Variants in RSPO4 observed in about 807,000 individuals in gnomAD.
RSPO4 encodes R-spondin-4.
Under a neutral mutation model 24.8 loss-of-function variants are expected in RSPO4, and 23 were observed. The ratio of observed to expected loss-of-function variants is 0.93; its 90% CI spans 0.67 to 1.31. The LOEUF (loss-of-function observed/expected upper bound fraction) is 1.31, where lower values mean the gene tolerates loss of function less well. Among genes scored for constraint, RSPO4 ranks in the 40% most tolerant of loss-of-function variants. The pLI, the probability that RSPO4 is intolerant of heterozygous loss-of-function variation, is 0.00. For missense variants in RSPO4, 333 were observed against 316.5 expected (o/e 1.05, Z -0.39); for synonymous variants, 141 against 127.4 (o/e 1.11, Z -0.72).
chr20:982,045 C>A (rs368986959), intron 1 of RSPO4, among the ~76,000 whole-genome samples: 164 of 152,276 alleles, frequency 1.1e-3, no homozygotes, highest in African/African-American at 3.9e-3. Context: ...CCAGAGCAAC[C>A]ACTGGTGACC....
rs568984084 is a variant in RSPO4 at position 989,180 on chromosome 20, A to G, written c.79+12906T>C. 3.3e-5 allele frequency among the ~76,000 whole-genome samples: 5 copies of G among 152,158 alleles called. No individual in the cohort carries two copies. The South Asian group carries it at 1.0e-3, about 32-fold the overall frequency. On this transcript the variant is annotated intron_variant, in intron 1 of 4. Transcript: ENST00000217260. ...AGAGTCACCTATTCTCACAACCGTG[A>G]CATTCCACCCAGTCCAGGCTCCCAG...
In RSPO4 at chr20:968,132, G is replaced by C. The variant is rs761838651; in HGVS notation, c.86C>G (p.Thr29Ser). Reference sequence around the variant, plus strand: ...GCCTGTGCAGTTGCCCCCCAGGCCAGTGCCCACTGCCCACAAGACCAGGGC... The same window carrying C: ...GCCTGTGCAGTTGCCCCCCAGGCCACTGCCCACTGCCCACAAGACCAGGGC... Reference protein sequence around the residue: ...ALNRRKKQVGTGLGGNCTGCI... With the variant: ...ALNRRKKQVGSGLGGNCTGCI... The change falls in exon 2 of 5, where the codon ACT (threonine) becomes AGT (serine). Residue 29 changes from threonine (T) to serine (S), a missense_variant. By Grantham distance (58) the Thr-to-Ser change is moderately conservative. Transcript: ENST00000217260. The C allele has an allele frequency of 1.2e-6, 2 of 1,614,004 alleles. No homozygotes were observed. Among genetic ancestry groups the C allele is most frequent in the African/African-American group, 1.3e-5 (1 of 75,066 alleles).
In RSPO4 at chr20:964,032, C is replaced by G; in HGVS notation, c.498G>C (p.Arg166=). 2 of 1,613,756 alleles carry G rather than the reference C, an allele frequency of 1.2e-6. No individual in the cohort carries two copies. Among genetic ancestry groups the G allele is most frequent in the Non-Finnish European group, 1.7e-6 (2 of 1,180,024 alleles). Residue 166 remains arginine, a synonymous_variant, in exon 4 of 5, where the codon CGG becomes CGC. Transcript: ENST00000217260. ...GCCCAGCCCGGCCAGCCTCTCGTAC[C>G]CGGCTCTCCAGGCCCCAAGCCGAGC... ...TCGSAWGLES[R]VREAGRAGHE...
chr20:961,994 A>C (rs1027721068), intron 4 of RSPO4, among the ~76,000 whole-genome samples: 4 of 151,622 alleles, frequency 2.6e-5, no homozygotes, highest in Admixed American at 1.3e-4. Flanking sequence ...CCTCCTATCC[A>C]CCCATCTACC....
chr20:985,104 TATCC>T (rs1171710349), intron 1 of RSPO4, among the ~76,000 whole-genome samples: 118 of 122,284 alleles, frequency 9.6e-4, no homozygotes, highest in African/African-American at 3.6e-3. Flanking sequence ...CCCACCCATC[TATCC>T]ATCCATCCAT....
rs1983918901 is a variant in RSPO4 at position 959,586 on chromosome 20, G to C, written c.*771C>G. 1 of 152,532 alleles carries C rather than the reference G, an allele frequency of 6.6e-6. No individual in the cohort carries two copies. Among genetic ancestry groups the C allele is most frequent in the Admixed American group, 6.5e-5 (1 of 15,284 alleles). The allele number at this position is 152,532 out of a possible 1,614,324, so 9.4% of individuals were successfully genotyped here. On this transcript the variant is annotated 3_prime_UTR_variant, in exon 5 of 5. Transcript: ENST00000217260. Reference sequence around the variant, plus strand: ...AACCCATGAGAGGGAGGCCTGTGGGGGAGTGCCGATGAGGGTGGCAGGCAG... The same window carrying C: ...AACCCATGAGAGGGAGGCCTGTGGGCGAGTGCCGATGAGGGTGGCAGGCAG...
intron 1 of RSPO4, among the ~76,000 whole-genome samples, chr20:989,436 A>C (rs1018356381): frequency 6.6e-6 from 1 of 152,242 alleles, no homozygotes; most frequent in African/African-American, 2.4e-5. Flanking sequence ...TCATATGGCA[A>C]ACACTCACCA....
intron 1 of RSPO4, among the ~76,000 whole-genome samples, chr20:986,736 CACA>C (rs1984935550): frequency 6.6e-6 from 1 of 151,902 alleles, no homozygotes; most frequent in African/African-American, 2.4e-5. Context: ...GCCAGTTACA[CACA>C]AAGTAAGCCA....
At chr20:964,377 G>A (rs1174011157) in intron 3 of RSPO4, among the ~76,000 whole-genome samples, 7 of 152,162 alleles carry the variant, frequency 4.6e-5, no homozygotes, top group Non-Finnish European at 1.0e-4. Context: ...AGGAGGTGAT[G>A]TATGAGTTAA....
intron 3 of RSPO4, among the ~76,000 whole-genome samples, 178 bp from the exon 4 acceptor site, chr20:964,298 A>G (rs1395543409): frequency 6.6e-6 from 1 of 152,226 alleles, no homozygotes; most frequent in East Asian, 1.9e-4. Context: ...AAACGAATGC[A>G]TGCACAGACT....
Position 959,884 on chromosome 20 carries a change from C to G in RSPO4, c.*473G>C, listed in dbSNP as rs1478924146. 1 of 173,994 alleles carries G rather than the reference C, an allele frequency of 5.7e-6. No homozygotes were observed. The highest frequency in any genetic ancestry group is 1.6e-4 in the East Asian group (1 of 6,156). The allele number at this position is 173,994 out of a possible 1,614,324, so 10.8% of individuals were successfully genotyped here. On this transcript the variant is annotated 3_prime_UTR_variant, in exon 5 of 5. Transcript: ENST00000217260. Reference sequence around the variant, plus strand: ...ACCTGTGCTGTGTCCCAGCTTTGCCCTCTGGAAACCCTTTCTCTGCAAAGA... The same window carrying G: ...ACCTGTGCTGTGTCCCAGCTTTGCCGTCTGGAAACCCTTTCTCTGCAAAGA...
Position 960,169 on chromosome 20 carries a change from G to T in RSPO4, c.*188C>A, listed in dbSNP as rs1983938592. 2 of 593,794 alleles carry T rather than the reference G, an allele frequency of 3.4e-6. No homozygotes were observed. Among genetic ancestry groups the T allele is most frequent in the East Asian group, 5.6e-5 (2 of 36,002 alleles). 36.8% of individuals were successfully genotyped at this position (593,794 alleles called of 1,614,324 possible). On this transcript the variant is annotated 3_prime_UTR_variant, in exon 5 of 5. Transcript: ENST00000217260. ...AAAGGAGAGGAGAATGGAGGTGGAA[G>T]AAATAAAGGAAATAAAAAAGAAAAA... is the stretch of plus-strand genomic sequence containing the variant.
intron 1 of RSPO4, among the ~76,000 whole-genome samples, chr20:995,853 G>A (rs1985264152): frequency 6.6e-6 from 1 of 152,164 alleles, no homozygotes; most frequent in South Asian, 2.1e-4. Context: ...TTTGACAATG[G>A]TATCAGTAGA....
chr20:963,102 G>A (rs188419052), intron 4 of RSPO4, among the ~76,000 whole-genome samples: 19 of 152,304 alleles, frequency 1.2e-4, no homozygotes, highest in Admixed American at 6.5e-4. Context: ...AAACATTTTG[G>A]AAATACGTGT....
At chr20:968,239 G>T in intron 1 of RSPO4, 101 bp from the exon 2 acceptor site, 1 of 1,041,438 alleles carries the variant, frequency 9.6e-7, no homozygotes, top group Non-Finnish European at 1.5e-6. Flanking sequence ...TAGTAACTGG[G>T]CACATGGCCA....
intron 3 of RSPO4, among the ~76,000 whole-genome samples, chr20:965,131 C>G (rs1312433566): frequency 6.6e-6 from 1 of 152,084 alleles, no homozygotes; most frequent in Non-Finnish European, 1.5e-5. Context: ...GGTCTGCAGG[C>G]CTCCTGGAAT....
chr20:990,958 G>A (rs999544933), intron 1 of RSPO4, among the ~76,000 whole-genome samples: 1 of 152,342 alleles, frequency 6.6e-6, no homozygotes, highest in East Asian at 1.9e-4. Flanking sequence ...GTGGACAGAG[G>A]AGCATTGTCG....
At chr20:967,896 C>A in intron 2 of RSPO4, 54 bp downstream of exon 2, 1 of 1,530,336 alleles carries the variant, frequency 6.5e-7, no homozygotes, top group Non-Finnish European at 9.1e-7. Context: ...GGGATCTAAG[C>A]CCATGGTGTC....
At chr20:960,617 T>C in intron 4 of RSPO4, 151 bp from the exon 5 acceptor site, 1 of 690,798 alleles carries the variant, frequency 1.4e-6, no homozygotes, top group Admixed American at 2.1e-5. Context: ...TCCCTCCTGT[T>C]GAGAGTTTGG....
Sources: allele counts gnomAD v4.1 joint callset (sites outside exome capture counted in the v4.1 genomes callset), GRCh38; gene constraint gnomAD v4.1.1; transcripts MANE v1.5; gene names NCBI Gene and HGNC (gene_info 2026-07-23, HGNC 2026-07-21).